The following FANCC variants were observed in gnomAD, a reference collection of about 807,000 sequenced individuals.
FANCC encodes the protein FA complementation group C, also known as Fanconi anemia group C protein.
Under a neutral mutation model 71.3 loss-of-function variants are expected in FANCC, and 55 were observed. The ratio of observed to expected loss-of-function variants is 0.77; its 90% CI spans 0.62 to 0.97. The LOEUF (loss-of-function observed/expected upper bound fraction) is 0.97. FANCC is among the 50% of genes least tolerant of loss of function. The probability of loss-of-function intolerance (pLI) is 0.00; values close to 1 mark genes in which losing one functional copy is unlikely to be tolerated. For synonymous variants in FANCC, 275 were observed against 244.9 expected (o/e 1.12, Z -1.15); for missense variants, 678 against 670.9 (o/e 1.01, Z -0.12).
At position 95,295,433 on chromosome 9, in the gene FANCC, G is replaced by A. The variant is rs4647385; in HGVS notation, c.-79+22093C>T. On this transcript the variant is annotated intron_variant, in intron 1 of 14. Transcript: ENST00000289081. ...AACCTGATCTTTTAAATGGTCAAAG[G>A]GACCTGAACCAACTTTTCTTCAAAG... Among the ~76,000 whole-genome samples, 1,076 of 152,102 alleles carry A rather than the reference G, an allele frequency of 7.1e-3. 6 individuals are homozygous for A. Among genetic ancestry groups the A allele is most frequent in the Non-Finnish European group, 0.011 (756 of 67,992 alleles).
chr9:95,133,840 C>T (rs1203490930), intron 8 of FANCC, among the ~76,000 whole-genome samples: 1 of 152,116 alleles, frequency 6.6e-6, no homozygotes, highest in African/African-American at 2.4e-5. Flanking sequence ...TAATTTATGA[C>T]CTTGAATCAC....
chr9:95,278,081 T>A (rs1223381271), intron 1 of FANCC, among the ~76,000 whole-genome samples: 1 of 152,202 alleles, frequency 6.6e-6, no homozygotes, highest in African/African-American at 2.4e-5. Flanking sequence ...AGGAATAAGA[T>A]ATGTAAATAT....
At chr9:95,145,466 T>C (rs750158281) in intron 7 of FANCC, 2 of 152,160 alleles carry the variant, frequency 1.3e-5, no homozygotes, top group Non-Finnish European at 2.9e-5. Context: ...CTCTCGATAA[T>C]CTATATACTT....
chr9:95,288,382 G>T (rs356670), intron 1 of FANCC, among the ~76,000 whole-genome samples: 151,327 of 152,312 alleles, frequency 0.99, 75,176 homozygotes, highest in East Asian at 1. Flanking sequence ...TATGTCAAGG[G>T]ATTTTCTTTA....
At chr9:95,106,746 G>A (rs1055273514) in intron 14 of FANCC, among the ~76,000 whole-genome samples, 21 of 152,228 alleles carry the variant, frequency 1.4e-4, no homozygotes, top group African/African-American at 5.1e-4. Context: ...AGGAGGAGGA[G>A]AGCAGCACAC....
At chr9:95,223,792 C>T (rs978966528) in intron 4 of FANCC, among the ~76,000 whole-genome samples, 2 of 152,240 alleles carry the variant, frequency 1.3e-5, no homozygotes, top group African/African-American at 4.8e-5. Context: ...GCCTGACCAA[C>T]ATGGAGAAAC....
intron 1 of FANCC, among the ~76,000 whole-genome samples, chr9:95,316,262 G>C (rs1222026769): frequency 6.6e-6 from 1 of 152,188 alleles, no homozygotes; most frequent in Non-Finnish European, 1.5e-5. Flanking sequence ...TATGAATAAT[G>C]TATATGAGTG....
intron 8 of FANCC, among the ~76,000 whole-genome samples, chr9:95,129,495 A>G (rs1315948801): frequency 6.6e-6 from 1 of 152,200 alleles, no homozygotes; most frequent in Admixed American, 6.5e-5. Flanking sequence ...TTTTATTTGT[A>G]AGGTGGGGCA....
chr9:95,101,752 T>C lies in FANCC; in HGVS notation c.1632A>G (p.Glu544=). 6.2e-7 allele frequency: 1 copy of C among 1,614,152 alleles called. No individual in the cohort carries two copies. Among genetic ancestry groups the C allele is most frequent in the East Asian group, 2.2e-5 (1 of 44,882 alleles). Residue 544 remains glutamate, a synonymous_variant, in exon 15 of 15, where the codon GAA becomes GAG. Coordinates refer to ENST00000289081, the MANE Select transcript of FANCC (RefSeq NM_000136.3). Reference sequence around the variant, plus strand: ...CTTTAAGGAGCTCTCGGGCCAGTTTTTCTGATCTAGGGCTTTCAATGCCAA... The same window carrying C: ...CTTTAAGGAGCTCTCGGGCCAGTTTCTCTGATCTAGGGCTTTCAATGCCAA... The part of the protein sequence containing the change: ...NRLGIESPRS[E]KLARELLKEL...
At chr9:95,166,520 C>T (rs1418465322) in intron 6 of FANCC, among the ~76,000 whole-genome samples, 1 of 152,102 alleles carries the variant, frequency 6.6e-6, no homozygotes, top group Non-Finnish European at 1.5e-5. Flanking sequence ...TTATCAATAT[C>T]ACAAATTACA....
intron 4 of FANCC, among the ~76,000 whole-genome samples, chr9:95,190,667 G>A (rs761721403): frequency 9.2e-5 from 14 of 152,188 alleles, no homozygotes; most frequent in Non-Finnish European, 1.6e-4. Context: ...CACACTGCCC[G>A]CCCTGGCACT....
intron 1 of FANCC, among the ~76,000 whole-genome samples, chr9:95,260,271 CA>C (rs1470215760): frequency 1.3e-5 from 2 of 152,140 alleles, no homozygotes; most frequent in Non-Finnish European, 2.9e-5. Context: ...TTCACAATAG[CA>C]AAGACTTGGA....
At chr9:95,153,685 T>C (rs1830305791) in intron 6 of FANCC, among the ~76,000 whole-genome samples, 1 of 152,206 alleles carries the variant, frequency 6.6e-6, no homozygotes, top group South Asian at 2.1e-4. Context: ...TTTTCTTGAT[T>C]TGAGTTCCTT....
intron 1 of FANCC, among the ~76,000 whole-genome samples, chr9:95,283,271 T>C (rs1316138997): frequency 6.6e-6 from 1 of 152,104 alleles, no homozygotes; most frequent in African/African-American, 2.4e-5. Context: ...TTAGTAAAGG[T>C]TGTTAGGCAC....
At chr9:95,150,161 G>A in intron 6 of FANCC, 74 bp from the exon 7 acceptor site, 1 of 1,528,838 alleles carries the variant, frequency 6.5e-7, no homozygotes, top group East Asian at 2.3e-5. Context: ...AAACCTTCAT[G>A]CTAAAAAGGT....
Position 95,114,720 on chromosome 9 carries a change from G to C in FANCC, c.1073-10C>G. Reference sequence around the variant, plus strand: ...TGTCCCCGAGGGATATCTGCGGGTGGAGAGAGATACGTCAGAGGGCAACTG... The same window carrying C: ...TGTCCCCGAGGGATATCTGCGGGTGCAGAGAGATACGTCAGAGGGCAACTG... On this transcript the variant is annotated splice_polypyrimidine_tract_variant and intron_variant, in intron 11 of 14. Coordinates refer to ENST00000289081, the MANE Select transcript of FANCC (RefSeq NM_000136.3). 5 of 1,613,082 alleles carry C rather than the reference G, an allele frequency of 3.1e-6. No individual in the cohort carries two copies. The highest frequency in any genetic ancestry group is 4.2e-6 in the Non-Finnish European group (5 of 1,179,028).
intron 4 of FANCC, among the ~76,000 whole-genome samples, chr9:95,206,602 A>G (rs1321071504): frequency 6.6e-6 from 1 of 152,220 alleles, no homozygotes; most frequent in Non-Finnish European, 1.5e-5. Context: ...GCTGCAATGA[A>G]AATAGATATG....
At chr9:95,151,036 C>T (rs558478713) in intron 6 of FANCC, among the ~76,000 whole-genome samples, 1 of 152,300 alleles carries the variant, frequency 6.6e-6, no homozygotes, top group African/African-American at 2.4e-5. Flanking sequence ...AGGTGGCTGG[C>T]GGCTACAGTA....
At chr9:95,223,901 C>T (rs970825305) in intron 4 of FANCC, among the ~76,000 whole-genome samples, 1 of 152,156 alleles carries the variant, frequency 6.6e-6, no homozygotes, top group Non-Finnish European at 1.5e-5. Flanking sequence ...TGCTTGAACC[C>T]GGGAGGCAGA....
Sources: allele counts gnomAD v4.1 joint callset (sites outside exome capture counted in the v4.1 genomes callset), GRCh38; gene constraint gnomAD v4.1.1; transcripts MANE v1.5; gene names NCBI Gene and HGNC (gene_info 2026-07-23, HGNC 2026-07-21).